AKNA: variants seen among roughly 807,000 people sequenced by gnomAD.
AKNA encodes microtubule organization protein AKNA.
A neutral mutation model predicts 138.8 loss-of-function variants in AKNA; 67 were observed. That is an observed-to-expected ratio of 0.48 (90% CI 0.40 to 0.59). The LOEUF (loss-of-function observed/expected upper bound fraction) is 0.59. AKNA is among the 20% of genes least tolerant of loss of function. The pLI, the probability that AKNA is intolerant of heterozygous loss-of-function variation, is 0.00. For missense variants in AKNA, 1,813 were observed against 1,880.4 expected (o/e 0.96, Z 0.66); for synonymous variants, 737 against 754.4 (o/e 0.98, Z 0.38).
downstream of AKNA, chr9:114,331,587 G>A (rs1172463363): frequency 6.2e-7 from 1 of 1,613,878 alleles, no homozygotes. Flanking sequence ...AGAACATGTT[G>A]CTCACCTGCT....
chr9:114,345,696 C>A, intron 18 of AKNA, 167 bp downstream of exon 18: 1 of 568,662 alleles, frequency 1.8e-6, no homozygotes, highest in African/African-American at 2.3e-5. Flanking sequence ...TGAACAAGTG[C>A]ACCGAGATTC....
chr9:114,384,594 T>C (rs1289069357), intron 1 of AKNA, among the ~76,000 whole-genome samples: 1 of 152,244 alleles, frequency 6.6e-6, no homozygotes, highest in African/African-American at 2.4e-5. Flanking sequence ...GATGATCCAC[T>C]TCCACTTAAT....
chr9:114,341,448 C>T, intron 21 of AKNA, 85 bp downstream of exon 21: 1 of 1,542,990 alleles, frequency 6.5e-7, no homozygotes, highest in Non-Finnish European at 8.9e-7. Context: ...TATACTGCAT[C>T]TCAGCTGCCC....
In AKNA at chr9:114,387,183, C is replaced by A. The variant is rs1454270522; in HGVS notation, c.-114+677G>T. Among the ~76,000 whole-genome samples, 19 of 152,220 alleles carry A rather than the reference C, an allele frequency of 1.2e-4. 1 individual carries two copies. The highest frequency in any genetic ancestry group is 1.2e-3 in the Admixed American group (19 of 15,286). On this transcript the variant is annotated intron_variant, in intron 1 of 21. Transcript: ENST00000374088. ...CCAAAAAGGCTCAACCATACCCCCA[C>A]CCACCTGCTGGCAGGGCACAGACTT...
At chr9:114,363,576 T>A (rs1211346888) in intron 7 of AKNA, among the ~76,000 whole-genome samples, 2 of 152,334 alleles carry the variant, frequency 1.3e-5, no homozygotes, top group Non-Finnish European at 2.9e-5. Context: ...ACAGGAAATA[T>A]CCTGCCATAA....
At chr9:114,349,354 A>G (rs1363975766) in intron 15 of AKNA, among the ~76,000 whole-genome samples, 1 of 152,214 alleles carries the variant, frequency 6.6e-6, no homozygotes, top group Non-Finnish European at 1.5e-5. Context: ...CTGACTAGCC[A>G]GACAGAACTC....
chr9:114,332,840 T>C (rs1423529782), downstream of AKNA, among the ~76,000 whole-genome samples: 1 of 152,126 alleles, frequency 6.6e-6, no homozygotes, highest in Non-Finnish European at 1.5e-5. Flanking sequence ...TAAATGCCAG[T>C]GGTTCTTAAG....
At chr9:114,374,453 T>C (rs1833020403) in intron 3 of AKNA, among the ~76,000 whole-genome samples, 1 of 152,206 alleles carries the variant, frequency 6.6e-6, no homozygotes. Context: ...ACATAACCCA[T>C]GTCGCAGATG....
intron 20 of AKNA, 83 bp from the exon 21 acceptor site, chr9:114,341,808 T>C: frequency 6.9e-7 from 1 of 1,449,414 alleles, no homozygotes; most frequent in Non-Finnish European, 9.3e-7. Context: ...ACCCAGCCCT[T>C]CCCCTATGAG....
chr9:114,362,581 G>A, intron 7 of AKNA, 48 bp from the exon 8 acceptor site: 1 of 1,589,576 alleles, frequency 6.3e-7, no homozygotes, highest in Non-Finnish European at 8.6e-7. Context: ...GTCCCCGCGG[G>A]GCCTGTCCCT....
intron 1 of AKNA, among the ~76,000 whole-genome samples, chr9:114,382,287 G>C (rs1833741950): frequency 6.6e-6 from 1 of 152,094 alleles, no homozygotes; most frequent in South Asian, 2.1e-4. Context: ...AGGTGGGGGA[G>C]GATGATGAAA....
intron 16 of AKNA, 114 bp downstream of exon 16, chr9:114,347,610 A>T: frequency 9.3e-7 from 1 of 1,080,050 alleles, no homozygotes; most frequent in Non-Finnish European, 1.3e-6. Flanking sequence ...TGAATGAGTG[A>T]GAGAGGGATG....
intron 5 of AKNA, among the ~76,000 whole-genome samples, 158 bp from the exon 6 acceptor site, chr9:114,367,855 A>G (rs115112205): frequency 0.012 from 1,878 of 152,318 alleles, 28 homozygotes; most frequent in African/African-American, 0.043. Flanking sequence ...GCTGGGTAGA[A>G]CATTGTCCCC....
chr9:114,381,441 T>G lies in AKNA; in HGVS notation c.-108A>C. The stretch of plus-strand genomic sequence containing the variant: ...TCCTGTCAGCATCGGCCATCCTGCC[T>G]GTGCCCTGTCAGGGACACATTCAAG... On this transcript the variant is annotated 5_prime_UTR_variant, in exon 2 of 22. Transcript: ENST00000374088. 4 of 1,435,784 alleles carry G rather than the reference T, an allele frequency of 2.8e-6. No homozygotes were observed. The highest frequency in any genetic ancestry group is 3.6e-6 in the Non-Finnish European group (4 of 1,099,202). The allele number at this position is 1,435,784 out of a possible 1,614,324, so 88.9% of individuals were successfully genotyped here.
intron 17 of AKNA, among the ~76,000 whole-genome samples, chr9:114,346,409 G>A (rs1328228516): frequency 1.3e-5 from 2 of 152,234 alleles, no homozygotes; most frequent in Non-Finnish European, 2.9e-5. Context: ...CCTTATCTGT[G>A]AAATGTGGAT....
In AKNA at chr9:114,345,918, T is replaced by G; in HGVS notation, c.3606A>C (p.Arg1202Ser). 6.2e-7 allele frequency: 1 copy of G among 1,613,820 alleles called. No individual in the cohort carries two copies. Reference sequence around the variant, plus strand: ...CTGGCCATCCAGCACTGCCCACCCCTCTCTTTCCATCCCGAGCTGCCTGTG... The same window carrying G: ...CTGGCCATCCAGCACTGCCCACCCCGCTCTTTCCATCCCGAGCTGCCTGTG... ...DSPQAARDGK[R>S]GVGSAGWPDR... Residue 1202 changes from arginine to serine, a missense_variant, in exon 18 of 22, where the codon AGA (arginine) becomes AGC (serine). Arg to Ser is a moderately radical substitution (Grantham distance 110). Transcript: ENST00000374088.
At position 114,379,211 on chromosome 9, in the gene AKNA, T is replaced by A. The variant is rs4978581; in HGVS notation, c.275-1679A>T. 5.8e-3 allele frequency among the ~76,000 whole-genome samples: 884 copies of A among 152,300 alleles called. 24 individuals carry two copies. In the East Asian group the frequency reaches 0.059, roughly 10 times the overall value. On this transcript the variant is annotated intron_variant, in intron 2 of 21. Transcript: ENST00000374088. ...GCCCTGGGTTCAATCCTGGCTCCTATCACCCCTCACTGGGGCCACGGGCAA... is the reference window on the plus strand; with the variant it reads ...GCCCTGGGTTCAATCCTGGCTCCTAACACCCCTCACTGGGGCCACGGGCAA...
chr9:114,376,440 C>T, intron 3 of AKNA, 26 bp downstream of exon 3: 1 of 1,612,376 alleles, frequency 6.2e-7, no homozygotes, highest in South Asian at 1.1e-5. Flanking sequence ...CTTGGTGACA[C>T]ATCCACAGCC....
chr9:114,331,514 G>C (rs1316991377), downstream of AKNA: 34 of 1,444,166 alleles, frequency 2.4e-5, no homozygotes, highest in Non-Finnish European at 3.3e-5. Flanking sequence ...CTGTAAGACA[G>C]GCACCATTGT....
Sources: allele counts gnomAD v4.1 joint callset (sites outside exome capture counted in the v4.1 genomes callset), GRCh38; gene constraint gnomAD v4.1.1; transcripts MANE v1.5; gene names NCBI Gene and HGNC (gene_info 2026-07-23, HGNC 2026-07-21).